Variants in STK32C observed in about 807,000 individuals in gnomAD.
The protein encoded by STK32C is serine/threonine kinase 32C, also known as serine/threonine-protein kinase 32C.
A neutral mutation model predicts 56.5 loss-of-function variants in STK32C; 31 were observed. The ratio of observed to expected loss-of-function variants is 0.55; its 90% CI spans 0.41 to 0.74. The LOEUF is 0.74. Ranked by LOEUF, STK32C falls within the 30% of genes least tolerant of loss-of-function variation. STK32C has a pLI of 0.00. For synonymous variants in STK32C, 309 were observed against 289.4 expected (o/e 1.07, Z -0.69); for missense variants, 544 against 676.9 (o/e 0.80, Z 2.18).
intron 1 of STK32C, among the ~76,000 whole-genome samples, chr10:132,265,423 A>G (rs895878430): frequency 1.3e-5 from 2 of 152,158 alleles, no homozygotes; most frequent in Admixed American, 1.3e-4. Flanking sequence ...GAACTAGGGC[A>G]GAAGCGACCA....
chr10:132,225,395 C>T (rs756922162), intron 6 of STK32C, 59 bp from the exon 7 acceptor site: 2 of 1,585,682 alleles, frequency 1.3e-6, no homozygotes, highest in South Asian at 2.2e-5. Flanking sequence ...GACCCGTGGG[C>T]ACAGGGCCGG....
chr10:132,219,786 C>A (rs1590153776), intron 10 of STK32C, among the ~76,000 whole-genome samples: 2 of 152,298 alleles, frequency 1.3e-5, no homozygotes, highest in East Asian at 3.9e-4. Context: ...GGCATGACCC[C>A]ACCCCTGCCC....
rs1049786672 is a variant in STK32C at position 132,307,519 on chromosome 10, C to T, written c.262+53G>A. 8.6e-6 allele frequency: 13 copies of T among 1,505,180 alleles called. No homozygotes were observed. The African/African-American group carries it at 1.9e-4, about 22-fold the overall frequency. 93.2% of individuals were successfully genotyped at this position (1,505,180 alleles called of 1,614,324 possible). A position where few individuals can be genotyped will look rare whatever the true frequency, so the allele number is the denominator to read the frequency against. ...TGCGGGAAAAAGCCGCCCAGCCGCG[C>T]CCGCCCCTGCAATAGCGCGCGGCCC... is the stretch of plus-strand genomic sequence containing the variant. On this transcript the variant is annotated intron_variant, in intron 1 of 11. Coordinates refer to ENST00000298630, the MANE Select transcript of STK32C (RefSeq NM_173575.4). The surrounding 1 kb of genome is among the most constrained non-coding windows in gnomAD (Gnocchi z 4.4).
At chr10:132,323,342 T>A (rs1590512523), downstream of STK32C, among the ~76,000 whole-genome samples, 1 of 152,196 alleles carries the variant, frequency 6.6e-6, no homozygotes, top group East Asian at 1.9e-4. This position sits in a 1 kb window ranked among gnomAD's most constrained non-coding sequence, Gnocchi z 4.8. Flanking sequence ...ATCCTTGATA[T>A]CTCTTAACTG....
chr10:132,211,231 G>C (rs2062288602), intron 10 of STK32C, among the ~76,000 whole-genome samples: 1 of 152,198 alleles, frequency 6.6e-6, no homozygotes, highest in Non-Finnish European at 1.5e-5. Flanking sequence ...GGGCCGGCCT[G>C]AGAAGGTGAC....
intron 1 of STK32C, among the ~76,000 whole-genome samples, chr10:132,263,962 C>T (rs1193280745): frequency 6.6e-6 from 1 of 151,980 alleles, no homozygotes; most frequent in African/African-American, 2.4e-5. Context: ...AGAAACATAG[C>T]GCCAGGTGAA....
upstream of STK32C, among the ~76,000 whole-genome samples, chr10:132,308,218 G>A (rs2066146118): frequency 6.6e-6 from 1 of 152,148 alleles, no homozygotes; most frequent in Non-Finnish European, 1.5e-5. Context: ...CGGGACACGG[G>A]GACCACGGCT....
chr10:132,295,423 G>T (rs2065708623), intron 1 of STK32C, among the ~76,000 whole-genome samples: 1 of 152,242 alleles, frequency 6.6e-6, no homozygotes, highest in Non-Finnish European at 1.5e-5. Flanking sequence ...AAGGGGTGTT[G>T]AAGGAGCCAG....
At chr10:132,284,317 AGGTGAGGTTGGG>A (rs1409935940) in intron 1 of STK32C, among the ~76,000 whole-genome samples, 2 of 50,430 alleles carry the variant, frequency 4.0e-5, no homozygotes, top group African/African-American at 1.7e-4. Flanking sequence ...TTGGGGGGGC[AGGTGAGGTTGGG>A]GGGGCAGGTG....
At chr10:132,270,445 T>C (rs1324563269) in intron 1 of STK32C, among the ~76,000 whole-genome samples, 1 of 152,164 alleles carries the variant, frequency 6.6e-6, no homozygotes, top group Non-Finnish European at 1.5e-5. Flanking sequence ...CTCTGGAAGC[T>C]GGAATTGGCG....
At chr10:132,323,563 T>A (rs957881809), downstream of STK32C, among the ~76,000 whole-genome samples, 1 of 152,176 alleles carries the variant, frequency 6.6e-6, no homozygotes, top group African/African-American at 2.4e-5. The surrounding 1 kb of genome is among the most constrained non-coding windows in gnomAD (Gnocchi z 4.8). Context: ...CATGTCTGAA[T>A]CCCCAAAACC....
At chr10:132,284,300 G>GCA in intron 1 of STK32C, among the ~76,000 whole-genome samples, 1 of 104,476 alleles carries the variant, frequency 9.6e-6, no homozygotes, top group African/African-American at 3.8e-5. Context: ...GGGGGGGGCA[G>GCA]GTGAGGTTGG....
At chr10:132,268,025 G>A (rs566739023) in intron 1 of STK32C, among the ~76,000 whole-genome samples, 1 of 147,546 alleles carries the variant, frequency 6.8e-6, no homozygotes, top group Admixed American at 6.7e-5. Flanking sequence ...GCATGTGTAT[G>A]CATGTTCGGC....
In STK32C at chr10:132,279,280, C is replaced by T. The variant is rs148994933; in HGVS notation, c.262+28292G>A. 1.1e-4 allele frequency among the ~76,000 whole-genome samples: 16 copies of T among 152,294 alleles called. No individual in the cohort carries two copies. In the East Asian group the frequency reaches 2.3e-3, roughly 22 times the overall value. On this transcript the variant is annotated intron_variant, in intron 1 of 11. Coordinates refer to ENST00000298630, the MANE Select transcript of STK32C (RefSeq NM_173575.4). ...TCCATAACAGGCGAGGTGACATGAC[C>T]ATGTTACGGCCATAACACGGACTCT...
chr10:132,224,947 C>T (rs766379342), intron 7 of STK32C, among the ~76,000 whole-genome samples: 12 of 152,182 alleles, frequency 7.9e-5, no homozygotes, highest in Admixed American at 1.3e-4. Flanking sequence ...TGGAAAGTTC[C>T]GAGGCAGCAC....
Position 132,234,108 on chromosome 10 carries a change from G to A in STK32C, c.319-5980C>T, listed in dbSNP as rs534750963. On this transcript the variant is annotated intron_variant, in intron 2 of 11. Transcript: ENST00000298630. ...GTGGCTGAGAACCTGTGGCCTCGTG[G>A]ACTCTCCCACTTGGGGATAACCAAG... 3.3e-5 allele frequency among the ~76,000 whole-genome samples: 5 copies of A among 152,312 alleles called. No homozygotes were observed. The East Asian group carries it at 7.7e-4, about 24-fold the overall frequency.
chr10:132,208,724 G>A (rs918929060), intron 11 of STK32C, among the ~76,000 whole-genome samples: 7 of 152,232 alleles, frequency 4.6e-5, no homozygotes, highest in South Asian at 2.1e-4. Flanking sequence ...GACTGAGGGC[G>A]TGCCTGGGTG....
rs560922031 is a variant in STK32C, at chr10:132,271,042, T to A, written c.263-25087A>T. On this transcript the variant is annotated intron_variant, in intron 1 of 11. Transcript: ENST00000298630. ...AGACCAAGGGGGTTCTGAACCACAGTCAGATGGGGTGCAAGGAGGGTGGCA... is the reference window on the plus strand; with the variant it reads ...AGACCAAGGGGGTTCTGAACCACAGACAGATGGGGTGCAAGGAGGGTGGCA... Among the ~76,000 whole-genome samples, 29 of 151,974 alleles carry A rather than the reference T, an allele frequency of 1.9e-4. No individual in the cohort carries two copies. In the South Asian group the frequency reaches 2.5e-3, roughly 13 times the overall value.
chr10:132,211,995 T>A (rs1393543239), intron 10 of STK32C, among the ~76,000 whole-genome samples: 1 of 151,992 alleles, frequency 6.6e-6, no homozygotes, highest in Non-Finnish European at 1.5e-5. Context: ...AGACACAGCC[T>A]CGGACCCCAG....
Sources: allele counts gnomAD v4.1 joint callset (sites outside exome capture counted in the v4.1 genomes callset), GRCh38; gene constraint gnomAD v4.1.1; non-coding constraint Gnocchi (gnomAD v3.1); transcripts MANE v1.5; gene names NCBI Gene and HGNC (gene_info 2026-07-23, HGNC 2026-07-21).